AOPEP: variants seen among roughly 807,000 people sequenced by gnomAD.
The protein encoded by AOPEP is aminopeptidase O.
AOPEP carries 77 observed loss-of-function variants against 98.1 expected under a neutral mutation model. The ratio of observed to expected loss-of-function variants is 0.78; its 90% CI spans 0.65 to 0.95. The LOEUF (loss-of-function observed/expected upper bound fraction) is 0.95, where lower values mean the gene tolerates loss of function less well. Ranked by LOEUF, AOPEP falls within the 40% of genes least tolerant of loss-of-function variation. AOPEP has a pLI of 0.00. For synonymous variants in AOPEP, 346 were observed against 365.3 expected (o/e 0.95, Z 0.60); for missense variants, 1,024 against 1,024.7 (o/e 1.00, Z 0.01).
chr9:95,143,788 G>A, the AOPEP span, among the ~76,000 whole-genome samples: 5 of 152,166 alleles, frequency 3.3e-5, no homozygotes, highest in South Asian at 2.1e-4. Context: ...TCAGCAGCCC[G>A]CCCAGGAAGG....
intron 13 of AOPEP, among the ~76,000 whole-genome samples, chr9:95,043,988 C>G (rs7866396): frequency 0.015 from 2,340 of 152,240 alleles, 66 homozygotes; most frequent in African/African-American, 0.053. Context: ...TTCTCTTTCC[C>G]CAGTCATCTA....
chr9:94,763,032 T>C (rs1439456502), intron 2 of AOPEP: 1 of 368,826 alleles, frequency 2.7e-6, no homozygotes, highest in African/African-American at 2.2e-5. Flanking sequence ...TAAAATAGTT[T>C]CTACATATTT....
intron 13 of AOPEP, among the ~76,000 whole-genome samples, chr9:95,036,617 G>C (rs1472235932): frequency 6.6e-6 from 1 of 151,380 alleles, no homozygotes; most frequent in Admixed American, 6.6e-5. Flanking sequence ...CAGAATGTTG[G>C]GTTTTGTTTT....
chr9:95,058,648 G>C (rs1467965201), intron 13 of AOPEP, among the ~76,000 whole-genome samples: 1 of 152,230 alleles, frequency 6.6e-6, no homozygotes, highest in East Asian at 1.9e-4. Flanking sequence ...TCCCCATCCT[G>C]TTGTGGCCTG....
intron 7 of AOPEP, among the ~76,000 whole-genome samples, chr9:94,954,863 C>T (rs2058347108): frequency 6.6e-6 from 1 of 152,084 alleles, no homozygotes; most frequent in South Asian, 2.1e-4. Flanking sequence ...TTGCATTTCC[C>T]AGTCTGTCAT....
chr9:94,896,744 T>C (rs2049622280), intron 5 of AOPEP, among the ~76,000 whole-genome samples: 1 of 152,172 alleles, frequency 6.6e-6, no homozygotes, highest in Admixed American at 6.5e-5. Flanking sequence ...TCTGAGAAAC[T>C]GTCTCAAGCA....
At chr9:94,760,721 T>TA (rs1196686722) in intron 2 of AOPEP, 141 bp downstream of exon 2, 28 of 604,514 alleles carry the variant, frequency 4.6e-5, no homozygotes, top group Non-Finnish European at 6.7e-5. Context: ...TCCTTAGACC[T>TA]ACAGTGAAGC....
At chr9:94,749,557 C>T (rs365465) in intron 1 of AOPEP, among the ~76,000 whole-genome samples, 2 of 152,116 alleles carry the variant, frequency 1.3e-5, no homozygotes, top group East Asian at 3.8e-4. Flanking sequence ...AGTACCTGTT[C>T]ATTCTTTTTC....
At chr9:94,865,852 A>G (rs959713328) in intron 5 of AOPEP, among the ~76,000 whole-genome samples, 1 of 152,324 alleles carries the variant, frequency 6.6e-6, no homozygotes, top group East Asian at 1.9e-4. Flanking sequence ...AGGAATGCCA[A>G]ACATTTCCAA....
At chr9:95,123,405 C>A in the AOPEP span, 1 of 449,268 alleles carries the variant, frequency 2.2e-6, no homozygotes, top group South Asian at 1.6e-5. Context: ...TTTGGGAGGC[C>A]AAGGTGGGAA....
the AOPEP span, among the ~76,000 whole-genome samples, chr9:95,112,293 C>T: frequency 1.3e-5 from 2 of 152,174 alleles, no homozygotes; most frequent in African/African-American, 4.8e-5. Flanking sequence ...AACAGACCAG[C>T]CTGAGATCAC....
the AOPEP span, among the ~76,000 whole-genome samples, chr9:95,141,521 G>GA: frequency 1.3e-5 from 2 of 151,878 alleles, no homozygotes; most frequent in African/African-American, 2.4e-5. Flanking sequence ...TATCTAAGTT[G>GA]AAAAAAACAT....
chr9:95,142,263 G>T, the AOPEP span, among the ~76,000 whole-genome samples: 1 of 151,994 alleles, frequency 6.6e-6, no homozygotes, highest in South Asian at 2.1e-4. Flanking sequence ...AAAGTGCTGG[G>T]ATTACAGGTG....
the AOPEP span, chr9:95,099,018 C>T: frequency 1.1e-5 from 2 of 178,324 alleles, no homozygotes; most frequent in East Asian, 1.9e-4. Context: ...GAGCTTTTTC[C>T]TGAGAGAAGG....
intron 5 of AOPEP, chr9:94,900,899 GT>G (rs2050304699): frequency 6.6e-6 from 1 of 152,208 alleles, no homozygotes; most frequent in Non-Finnish European, 1.5e-5. Flanking sequence ...TCACAAGTAA[GT>G]TGAATGCTTT....
chr9:94,907,209 C>T (rs888457064), intron 5 of AOPEP, among the ~76,000 whole-genome samples: 2 of 152,118 alleles, frequency 1.3e-5, no homozygotes, highest in African/African-American at 4.8e-5. Flanking sequence ...GTGACATCAC[C>T]GTATTTTAAA....
At chr9:94,933,708 C>A (rs946834038) in intron 7 of AOPEP, 2 of 975,456 alleles carry the variant, frequency 2.1e-6, no homozygotes, top group Non-Finnish European at 2.4e-6. Context: ...ACTGTACATT[C>A]CACTTAAAAT....
chr9:94,765,868 T>C (rs1204270454), intron 2 of AOPEP, among the ~76,000 whole-genome samples: 1 of 152,216 alleles, frequency 6.6e-6, no homozygotes, highest in Non-Finnish European at 1.5e-5. Context: ...TTGTTGAACC[T>C]AAATGCTTCT....
At chr9:95,027,633 G>T (rs553367628) in intron 13 of AOPEP, among the ~76,000 whole-genome samples, 1 of 152,178 alleles carries the variant, frequency 6.6e-6, no homozygotes, top group Non-Finnish European at 1.5e-5. Context: ...TAATTAAATA[G>T]TGAAGTTCTA....
Sources: gnomAD v4.1 joint callset for allele counts (sites outside exome capture counted in the v4.1 genomes callset) on GRCh38, gnomAD v4.1.1 for gene constraint, MANE v1.5 for transcripts, NCBI Gene and HGNC (gene_info 2026-07-23, HGNC 2026-07-21) for gene names.